The following WASF3 variants were observed in gnomAD, a reference collection of about 807,000 sequenced individuals.
WASF3 encodes actin-binding protein WASF3.
A neutral mutation model predicts 46.6 loss-of-function variants in WASF3; 11 were observed. The observed-to-expected ratio is 0.24, with a 90% CI of 0.15 to 0.39. WASF3 has a LOEUF of 0.39. Among genes scored for constraint, WASF3 ranks in the 10% least tolerant of loss-of-function variants. The pLI, the probability that WASF3 is intolerant of heterozygous loss-of-function variation, is 1.00. For missense variants in WASF3, 576 were observed against 669.8 expected, an observed-to-expected ratio of 0.86 and a Z score of 1.55; for synonymous variants, 242 against 259.7, an observed-to-expected ratio of 0.93 and a Z score of 0.65.
intron 1 of WASF3, among the ~76,000 whole-genome samples, chr13:26,559,369 C>T (rs1037809872): frequency 1.3e-5 from 2 of 152,220 alleles, no homozygotes; most frequent in Non-Finnish European, 2.9e-5. Context: ...AGTTGGCTGA[C>T]ATGAAGTTGC....
At chr13:26,637,126 G>A (rs1881851143) in intron 2 of WASF3, among the ~76,000 whole-genome samples, 1 of 152,178 alleles carries the variant, frequency 6.6e-6, no homozygotes, top group Non-Finnish European at 1.5e-5. Context: ...TTCACAGCTA[G>A]GTTGTTGCTG....
chr13:26,617,054 T>C (rs17084396), intron 2 of WASF3, among the ~76,000 whole-genome samples: 7,512 of 152,302 alleles, frequency 0.049, 645 homozygotes, highest in African/African-American at 0.17. Flanking sequence ...AACTTTTTTG[T>C]GTGACCTAAT....
intron 1 of WASF3, among the ~76,000 whole-genome samples, chr13:26,565,358 G>T (rs1425103025): frequency 6.6e-6 from 1 of 152,108 alleles, no homozygotes; most frequent in Admixed American, 6.5e-5. Flanking sequence ...GAGAGAGGTT[G>T]TGGCTGTTGC....
chr13:26,605,878 A>G (rs1880780294), intron 1 of WASF3, among the ~76,000 whole-genome samples: 2 of 152,162 alleles, frequency 1.3e-5, no homozygotes, highest in South Asian at 4.1e-4. Context: ...GTAGAACTCA[A>G]TTTGAACTTA....
chr13:26,579,164 G>A (rs1044751867), intron 1 of WASF3, among the ~76,000 whole-genome samples: 9 of 150,800 alleles, frequency 6.0e-5, no homozygotes, highest in Admixed American at 6.6e-5. Flanking sequence ...TAGGACCAGC[G>A]AATTTTTTAA....
intron 2 of WASF3, among the ~76,000 whole-genome samples, chr13:26,631,798 C>G (rs1383781590): frequency 2.6e-5 from 4 of 152,148 alleles, no homozygotes; most frequent in Admixed American, 2.6e-4. Flanking sequence ...TTCTTCCTAT[C>G]CATGAGCATG....
intron 2 of WASF3, among the ~76,000 whole-genome samples, chr13:26,625,886 A>G (rs1881449664): frequency 1.3e-5 from 2 of 152,340 alleles, no homozygotes; most frequent in Admixed American, 1.3e-4. Context: ...CTCTAGAGCA[A>G]CTACTATGAA....
At chr13:26,646,435 T>G (rs1246572403) in intron 3 of WASF3, among the ~76,000 whole-genome samples, 2 of 152,192 alleles carry the variant, frequency 1.3e-5, no homozygotes, top group African/African-American at 4.8e-5. Flanking sequence ...TGTTTTTAAA[T>G]TCCTTTGGGT....
intron 1 of WASF3, among the ~76,000 whole-genome samples, chr13:26,600,077 A>G (rs916762005): frequency 2.0e-5 from 3 of 152,220 alleles, no homozygotes; most frequent in African/African-American, 7.2e-5. Flanking sequence ...AGAAGTACAA[A>G]GTAAACTTCC....
At chr13:26,575,992 T>C (rs1273103805) in intron 1 of WASF3, among the ~76,000 whole-genome samples, 1 of 151,274 alleles carries the variant, frequency 6.6e-6, no homozygotes, top group Non-Finnish European at 1.5e-5. Context: ...TTCAGGAAGT[T>C]TTTTTAGAGT....
chr13:26,635,283 A>G (rs1192240448), intron 2 of WASF3, among the ~76,000 whole-genome samples: 1 of 152,112 alleles, frequency 6.6e-6, no homozygotes, highest in Non-Finnish European at 1.5e-5. Context: ...TGAATCAGCT[A>G]TTGAAGCTTG....
the WASF3 span, among the ~76,000 whole-genome samples, chr13:26,549,351 C>A: frequency 6.6e-6 from 1 of 152,152 alleles, no homozygotes; most frequent in Non-Finnish European, 1.5e-5. Flanking sequence ...CCTTTCCATG[C>A]TGTGGGGTTC....
chr13:26,570,401 T>C lies in WASF3; in HGVS notation c.-109+12582T>C, dbSNP rs115180359. 8.3e-3 allele frequency among the ~76,000 whole-genome samples: 1,269 copies of C among 152,328 alleles called. 20 individuals are homozygous for C. The highest frequency in any genetic ancestry group is 0.029 in the African/African-American group (1,217 of 41,568). On this transcript the variant is annotated intron_variant, in intron 1 of 9. Coordinates refer to ENST00000335327, the MANE Select transcript of WASF3 (RefSeq NM_006646.6). ...CAAAAACCGTAGTTTCAGAGAAGTG[T>C]CACTCCCTCTCATATCCCTTTGACT...
At chr13:26,659,929 C>T (rs376279038) in intron 3 of WASF3, among the ~76,000 whole-genome samples, 2 of 152,046 alleles carry the variant, frequency 1.3e-5, no homozygotes, top group East Asian at 3.9e-4. Flanking sequence ...GTGATGCTGT[C>T]AGTAAGGAGT....
At chr13:26,598,386 CAA>C (rs1296086789) in intron 1 of WASF3, among the ~76,000 whole-genome samples, 1 of 152,084 alleles carries the variant, frequency 6.6e-6, no homozygotes, top group Admixed American at 6.6e-5. Context: ...GAGTAGATTG[CAA>C]AAATTTTCTC....
intron 3 of WASF3, among the ~76,000 whole-genome samples, chr13:26,649,203 G>A (rs1042535622): frequency 6.6e-6 from 1 of 152,172 alleles, no homozygotes; most frequent in African/African-American, 2.4e-5. Context: ...TTTTATGGGA[G>A]TAAACATTCT....
chr13:26,664,436 T>C (rs940252486), intron 3 of WASF3, among the ~76,000 whole-genome samples: 4 of 152,348 alleles, frequency 2.6e-5, no homozygotes, highest in South Asian at 2.1e-4. Flanking sequence ...GTGGGAGTTA[T>C]ATCTGGCACT....
the WASF3 span, among the ~76,000 whole-genome samples, chr13:26,548,380 C>T: frequency 6.6e-6 from 1 of 152,234 alleles, no homozygotes; most frequent in Non-Finnish European, 1.5e-5. Flanking sequence ...ATCCCTGAGA[C>T]ATGTCCCACA....
Position 26,685,872 on chromosome 13 carries a change from T to G in WASF3, c.*27T>G, listed in dbSNP as rs1883389750. On this transcript the variant is annotated 3_prime_UTR_variant, in exon 10 of 10. Transcript: ENST00000335327. ...CAAAGGCCGGCGGAGAGGCCGCGTG[T>G]GGGAGCGTGTTGAAGATTTTAAGTG... 6.2e-7 allele frequency: 1 copy of G among 1,603,426 alleles called. No individual in the cohort carries two copies.
Sources: gnomAD v4.1 joint callset for allele counts (sites outside exome capture counted in the v4.1 genomes callset) on GRCh38, gnomAD v4.1.1 for gene constraint, MANE v1.5 for transcripts, NCBI Gene and HGNC (gene_info 2026-07-23, HGNC 2026-07-21) for gene names.